Variants in TNFSF4 observed in about 807,000 individuals in gnomAD.
The protein encoded by TNFSF4 is TNF superfamily member 4, also known as tumor necrosis factor ligand superfamily member 4.
In TNFSF4, 4 loss-of-function variants were observed where a neutral mutation model predicts 7.3. That is an observed-to-expected ratio of 0.55 (90% CI 0.27 to 1.25). TNFSF4 has a LOEUF of 1.25. Among genes scored for constraint, TNFSF4 ranks in the 50% most tolerant of loss-of-function variants. TNFSF4 has a pLI of 0.12. For synonymous variants in TNFSF4, 76 were observed against 83.7 expected, an observed-to-expected ratio of 0.91 and a Z score of 0.50; for missense variants, 181 against 208.8, an observed-to-expected ratio of 0.87 and a Z score of 0.82.
the TNFSF4 span, among the ~76,000 whole-genome samples, chr1:173,243,341 A>G: frequency 7.9e-5 from 12 of 152,112 alleles, no homozygotes; most frequent in African/African-American, 1.9e-4. Flanking sequence ...ATCCCAACCA[A>G]TCAATAATCC....
intron 1 of TNFSF4, among the ~76,000 whole-genome samples, chr1:173,191,827 G>T (rs949397486): frequency 6.6e-6 from 1 of 152,218 alleles, no homozygotes; most frequent in Non-Finnish European, 1.5e-5. Flanking sequence ...ACCAAGTTTA[G>T]ATAGGATAAC....
the TNFSF4 span, among the ~76,000 whole-genome samples, chr1:173,429,313 C>A: frequency 6.6e-6 from 1 of 152,180 alleles, no homozygotes; most frequent in African/African-American, 2.4e-5. Flanking sequence ...TTCCTCACCT[C>A]TCCAAATAAT....
the TNFSF4 span, among the ~76,000 whole-genome samples, chr1:173,447,444 T>A: frequency 6.6e-6 from 1 of 152,188 alleles, no homozygotes; most frequent in Non-Finnish European, 1.5e-5. Flanking sequence ...GGTACCACTC[T>A]GGTACCAGAT....
At chr1:173,346,284 C>A in the TNFSF4 span, among the ~76,000 whole-genome samples, 1 of 152,060 alleles carries the variant, frequency 6.6e-6, no homozygotes, top group Admixed American at 6.6e-5. Flanking sequence ...CAGATCAGAG[C>A]GAGTTGTAGG....
chr1:173,286,442 A>G, the TNFSF4 span, among the ~76,000 whole-genome samples: 1 of 152,196 alleles, frequency 6.6e-6, no homozygotes, highest in African/African-American at 2.4e-5. Context: ...AGCAAGAAAT[A>G]TACCTACACA....
the TNFSF4 span, among the ~76,000 whole-genome samples, chr1:173,374,727 C>T: frequency 1.2e-4 from 19 of 152,184 alleles, no homozygotes; most frequent in Non-Finnish European, 2.9e-5. Context: ...TTAAGCAGCA[C>T]ACTAACCATA....
the TNFSF4 span, among the ~76,000 whole-genome samples, chr1:173,322,531 G>C: frequency 6.6e-6 from 1 of 152,100 alleles, no homozygotes; most frequent in Non-Finnish European, 1.5e-5. Context: ...GAGTGCTTGA[G>C]AGTGGGTGCA....
chr1:173,273,888 T>C, the TNFSF4 span, among the ~76,000 whole-genome samples: 1 of 152,144 alleles, frequency 6.6e-6, no homozygotes, highest in Non-Finnish European at 1.5e-5. Context: ...TCATTAGGCT[T>C]GACTGTATTT....
the TNFSF4 span, among the ~76,000 whole-genome samples, chr1:173,318,214 G>C: frequency 1.3e-5 from 2 of 152,210 alleles, no homozygotes; most frequent in Non-Finnish European, 2.9e-5. Flanking sequence ...GCCAAGGGGG[G>C]TGGATCATGA....
chr1:173,359,510 TAAAAAAAAAAAAAA>T, the TNFSF4 span, among the ~76,000 whole-genome samples: 5 of 122,748 alleles, frequency 4.1e-5, no homozygotes, highest in East Asian at 4.8e-4. Context: ...TTACCAGCTG[TAAAAAAAAAAAAAA>T]AAAAAAAAAA....
At chr1:173,343,317 A>T in the TNFSF4 span, among the ~76,000 whole-genome samples, 1 of 152,222 alleles carries the variant, frequency 6.6e-6, no homozygotes, top group African/African-American at 2.4e-5. Context: ...CGGACAAGCC[A>T]TTTCTCAAAA....
chr1:173,398,281 C>T, the TNFSF4 span, among the ~76,000 whole-genome samples: 4 of 152,108 alleles, frequency 2.6e-5, no homozygotes, highest in Non-Finnish European at 4.4e-5. Context: ...TGATCCATTA[C>T]ATTGAGGACC....
chr1:173,414,437 T>C, the TNFSF4 span, among the ~76,000 whole-genome samples: 1 of 152,116 alleles, frequency 6.6e-6, no homozygotes, highest in African/African-American at 2.4e-5. Flanking sequence ...ATACTGCAGG[T>C]TAAGTCAATA....
chr1:173,302,696 A>G, the TNFSF4 span, among the ~76,000 whole-genome samples: 1 of 152,082 alleles, frequency 6.6e-6, no homozygotes, highest in South Asian at 2.1e-4. Context: ...ATGCTATGAA[A>G]ATAAAACTAA....
At chr1:173,373,637 G>A in the TNFSF4 span, among the ~76,000 whole-genome samples, 1 of 152,154 alleles carries the variant, frequency 6.6e-6, no homozygotes, top group Non-Finnish European at 1.5e-5. Flanking sequence ...AAGCCTGCGA[G>A]GTGTGCCAAA....
chr1:173,422,991 CAG>C, the TNFSF4 span, among the ~76,000 whole-genome samples: 2 of 149,846 alleles, frequency 1.3e-5, no homozygotes, highest in Non-Finnish European at 3.0e-5. Context: ...TTTTTTTAGA[CAG>C]AGTCTCGCTC....
chr1:173,351,751 G>T, the TNFSF4 span: 2 of 522,868 alleles, frequency 3.8e-6, no homozygotes, highest in Non-Finnish European at 6.9e-6. Flanking sequence ...CGAGTACGAG[G>T]ACACTATAAA....
intron 1 of TNFSF4, among the ~76,000 whole-genome samples, chr1:173,199,538 G>T (rs1043613550): frequency 1.3e-5 from 2 of 152,172 alleles, no homozygotes; most frequent in African/African-American, 4.8e-5. Context: ...ACTGAGGATT[G>T]CTGGGAGCCA....
chr1:173,264,317 C>CTTTTTTTT, the TNFSF4 span, among the ~76,000 whole-genome samples: 6 of 110,538 alleles, frequency 5.4e-5, no homozygotes, highest in African/African-American at 8.0e-5. Context: ...CTGGCTTCTT[C>CTTTTTTTT]TTTTTTTTTT....
Sources: allele counts gnomAD v4.1 joint callset (sites outside exome capture counted in the v4.1 genomes callset), GRCh38; gene constraint gnomAD v4.1.1; transcripts MANE v1.5; gene names NCBI Gene and HGNC (gene_info 2026-07-23, HGNC 2026-07-21).